Variants in HDAC4 observed in about 807,000 individuals in gnomAD.
The protein encoded by HDAC4 is histone deacetylase A.
A neutral mutation model predicts 135.1 loss-of-function variants in HDAC4; 16 were observed. That is an observed-to-expected ratio of 0.12 (90% CI 0.08 to 0.18). HDAC4 has a LOEUF of 0.18. Among genes scored for constraint, HDAC4 ranks in the 10% least tolerant of loss-of-function variants. The pLI is 1.00. For synonymous variants in HDAC4, 685 were observed against 653.4 expected, an observed-to-expected ratio of 1.05 and a Z score of -0.74; for missense variants, 1,143 against 1,511.8, an observed-to-expected ratio of 0.76 and a Z score of 4.05.
In HDAC4 at chr2:239,052,801, G is replaced by A. The variant is rs905121849; in HGVS notation, c.*296C>T. ...GTTGCCACAGGCTCCTTTCTTCCACGGCGTCCCTTGCGGGACCCGCCAGAG... is the reference window on the plus strand; with the variant it reads ...GTTGCCACAGGCTCCTTTCTTCCACAGCGTCCCTTGCGGGACCCGCCAGAG... On this transcript the variant is annotated 3_prime_UTR_variant, in exon 27 of 27. Transcript: ENST00000543185. The A allele has an allele frequency of 1.2e-5, 5 of 433,028 alleles. No homozygotes were observed. Among genetic ancestry groups the A allele is most frequent in the Non-Finnish European group, 1.7e-5 (4 of 239,058 alleles). The allele number at this position is 433,028 out of a possible 1,614,324, so 26.8% of individuals were successfully genotyped here. A position where few individuals can be genotyped will look rare whatever the true frequency, so the allele number is the denominator to read the frequency against.
At chr2:239,187,144 C>CCT (rs2044605921) in intron 4 of HDAC4, 1 of 152,672 alleles carries the variant, frequency 6.5e-6, no homozygotes, top group African/African-American at 2.4e-5. Context: ...CCATCCTCAG[C>CCT]CAGCATCTGT....
At position 239,260,546 on chromosome 2, in the gene HDAC4, G is replaced by A. The variant is rs191899024; in HGVS notation, c.23-23882C>T. Among the ~76,000 whole-genome samples the A allele has an allele frequency of 1.4e-3, 218 of 152,146 alleles. 1 individual carries two copies. The highest frequency in any genetic ancestry group is 5.2e-3 in the African/African-American group (214 of 41,496). The stretch of plus-strand genomic sequence containing the variant: ...GCCTGCTGGCCTCATCTCTCTTCCC[G>A]CCAGCAATCCCAACACTGTAGCCTC... On this transcript the variant is annotated intron_variant, in intron 2 of 26. Transcript: ENST00000543185.
intron 2 of HDAC4, among the ~76,000 whole-genome samples, chr2:239,289,674 C>G (rs534918969): frequency 1.3e-5 from 2 of 152,338 alleles, no homozygotes; most frequent in Non-Finnish European, 2.9e-5. Context: ...ACGCAGGGCC[C>G]CTCCCAGCCA....
intron 15 of HDAC4, 58 bp downstream of exon 15, chr2:239,107,992 G>A (rs1171790027): frequency 1.2e-5 from 20 of 1,603,828 alleles, no homozygotes; most frequent in East Asian, 2.2e-5. Context: ...GGGCCCACGA[G>A]GGTCCCCTCT....
chr2:239,161,860 C>G (rs1406985569), intron 6 of HDAC4: 1 of 378,124 alleles, frequency 2.6e-6, no homozygotes, highest in Non-Finnish European at 5.2e-6. Context: ...TCTCTCAGCA[C>G]GTCCCTCAGC....
chr2:239,230,424 A>C (rs1575470736), intron 3 of HDAC4, among the ~76,000 whole-genome samples: 1 of 148,896 alleles, frequency 6.7e-6, no homozygotes, highest in Non-Finnish European at 1.5e-5. Flanking sequence ...GGCGGACATG[A>C]CCGTCCTGGC....
In HDAC4 at chr2:239,126,512, G is replaced by A. The variant is rs767230276; in HGVS notation, c.1477C>T (p.Gln493Ter). The A allele has an allele frequency of 6.2e-7, 1 of 1,613,462 alleles. No individual in the cohort carries two copies. ...TGCTGCTTGTGTTTCTCCAGAAACT[G>A]CTGATGCTGCTGCTGGATGACCAGG... ...QHLVIQQQHQ[Q>*]FLEKHKQQFQ... is the part of the protein sequence containing the mutation. The change falls in exon 12 of 27, where the codon CAG becomes TAG. Residue 493 changes from glutamine to a stop codon, truncating the protein, a stop_gained. Transcript: ENST00000543185. LOFTEE classifies it high-confidence loss of function.
At chr2:239,190,856 T>C in intron 3 of HDAC4, 1 of 415,638 alleles carries the variant, frequency 2.4e-6, no homozygotes, top group South Asian at 1.7e-5. Context: ...CAAATGAAAG[T>C]GAGAAAAGTA....
rs1374734863 is a variant in HDAC4 at position 239,245,475 on chromosome 2, T to G, written c.23-8811A>C. 1.3e-5 allele frequency among the ~76,000 whole-genome samples: 2 copies of G among 152,158 alleles called. No homozygotes were observed. The highest frequency in any genetic ancestry group is 6.5e-5 in the Admixed American group (1 of 15,274). ...AATTAAACATCGTTTGGGTATAAGA[T>G]GATATGTAGGAATCATGATTCCTTC... On this transcript the variant is annotated intron_variant, in intron 2 of 26. Transcript: ENST00000543185. This position sits in a 1 kb window ranked among gnomAD's most constrained non-coding sequence, Gnocchi z 4.4.
At chr2:239,061,661 G>A (rs1372736886) in intron 24 of HDAC4, among the ~76,000 whole-genome samples, 1 of 152,188 alleles carries the variant, frequency 6.6e-6, no homozygotes, top group African/African-American at 2.4e-5. Context: ...CAGGCAGCCA[G>A]CTCTCAGGTT....
chr2:239,180,746 T>C lies in HDAC4; in HGVS notation c.340-4183A>G, dbSNP rs558280937. On this transcript the variant is annotated intron_variant, in intron 4 of 26. Transcript: ENST00000543185. ...TGAGTGCCCCATGTGGATGGAAGGG[T>C]GTGCTGGGCCGCTGCCCCCCATGGC... Among the ~76,000 whole-genome samples the C allele has an allele frequency of 1.2e-4, 18 of 152,128 alleles. No homozygotes were observed. In the East Asian group the frequency reaches 1.4e-3, roughly 11 times the overall value.
At chr2:239,163,047 C>T (rs879481035) in intron 6 of HDAC4, among the ~76,000 whole-genome samples, 14 of 151,748 alleles carry the variant, frequency 9.2e-5, no homozygotes, top group African/African-American at 1.5e-4. Flanking sequence ...TGTTTCAAGC[C>T]GCATCACCTC....
chr2:239,085,031 G>GAGAC (rs1553609589), intron 19 of HDAC4, among the ~76,000 whole-genome samples: 55,043 of 137,902 alleles, frequency 0.4, 10,579 homozygotes, highest in South Asian at 0.5. Flanking sequence ...GTTCCATACT[G>GAGAC]AGACAGACAG....
chr2:239,282,272 C>T (rs1365238308), intron 2 of HDAC4, among the ~76,000 whole-genome samples: 2 of 143,136 alleles, frequency 1.4e-5, no homozygotes, highest in African/African-American at 2.6e-5. Flanking sequence ...ACACAATGTA[C>T]ACACCACTCT....
intron 2 of HDAC4, among the ~76,000 whole-genome samples, chr2:239,249,262 G>C (rs1055971492): frequency 1.1e-4 from 17 of 152,350 alleles, no homozygotes; most frequent in African/African-American, 4.1e-4. Flanking sequence ...CGAAGGCCAT[G>C]GTAAGGACCT....
At chr2:239,225,445 C>G (rs955200885) in intron 3 of HDAC4, among the ~76,000 whole-genome samples, 3 of 152,258 alleles carry the variant, frequency 2.0e-5, no homozygotes, top group African/African-American at 4.8e-5. Flanking sequence ...AGCAGATCCA[C>G]GAAGGCAGAA....
Position 239,126,546 on chromosome 2 carries a change from A to G in HDAC4, c.1443T>C (p.Ala481=), listed in dbSNP as rs760563184. The G allele has an allele frequency of 1.2e-6, 2 of 1,613,644 alleles. No homozygotes were observed. The highest frequency in any genetic ancestry group is 1.7e-6 in the Non-Finnish European group (2 of 1,179,878). Residue 481 remains alanine (A), a synonymous_variant, in exon 12 of 27, where the codon GCT becomes GCC. Transcript: ENST00000543185. Reference sequence around the variant, plus strand: ...GCTGCTGGATGACCAGGTGCTGCAGAGCCTGGGCGTTCTGGGGCAGCGGGG... The same window carrying G: ...GCTGCTGGATGACCAGGTGCTGCAGGGCCTGGGCGTTCTGGGGCAGCGGGG... ...QSAPLPQNAQ[A]LQHLVIQQQH... is the part of the protein sequence containing the mutation.
chr2:239,186,975 T>A (rs766081298), intron 4 of HDAC4: 2 of 152,440 alleles, frequency 1.3e-5, no homozygotes, highest in Admixed American at 6.5e-5. Flanking sequence ...AGCAATCCCA[T>A]CTCTTTAACC....
chr2:239,076,297 G>A (rs1366780275), intron 22 of HDAC4, among the ~76,000 whole-genome samples: 2 of 152,228 alleles, frequency 1.3e-5, no homozygotes, highest in African/African-American at 4.8e-5. Flanking sequence ...TCCTCGAAAG[G>A]CCATCGCTCG....
Sources: gnomAD v4.1 joint callset for allele counts (sites outside exome capture counted in the v4.1 genomes callset) on GRCh38, gnomAD v4.1.1 for gene constraint, Gnocchi (gnomAD v3.1) non-coding constraint, MANE v1.5 for transcripts, NCBI Gene and HGNC (gene_info 2026-07-23, HGNC 2026-07-21) for gene names.